PUDP: variants seen among roughly 807,000 people sequenced by gnomAD.
PUDP encodes the protein pseudouridine 5'-phosphatase, also known as pseudouridine-5'-phosphatase.
A neutral mutation model predicts 9.4 loss-of-function variants in PUDP; 8 were observed. The ratio of observed to expected loss-of-function variants is 0.85; its 90% CI spans 0.50 to 1.53. PUDP has a LOEUF of 1.53. PUDP is among the 40% of genes most tolerant of loss of function. PUDP has a pLI of 0.00. For synonymous variants in PUDP, 99 were observed against 80.7 expected (o/e 1.23, Z -1.22); for missense variants, 188 against 189.7 (o/e 0.99, Z 0.05).
chrX:6,952,304 A>G (rs1338576017), intron 3 of PUDP, among the ~76,000 whole-genome samples: 1 of 111,858 alleles, frequency 8.9e-6, no homozygotes, highest in Non-Finnish European at 1.9e-5. Context: ...CAGAAAAGTT[A>G]TGAAGATAGT....
Position 6,880,310 on chromosome X carries a change from G to A in PUDP, c.*247+96823C>T, listed in dbSNP as rs774054724. Among the ~76,000 whole-genome samples the A allele has an allele frequency of 9.9e-5, 11 of 110,560 alleles. No homozygotes were observed. In the East Asian group the frequency reaches 1.4e-3, roughly 14 times the overall value. ...CATTGTATCATTCTTGTGACTTTGC[G>A]TCCTCATAGCTTAGCTCCCACTTAT... On this transcript the variant is annotated intron_variant and NMD_transcript_variant, in intron 3 of 3. Transcript: ENST00000655425.
intron 3 of PUDP, among the ~76,000 whole-genome samples, chrX:6,796,119 G>A (rs926163639): frequency 7.1e-5 from 8 of 112,029 alleles, no homozygotes; most frequent in East Asian, 2.8e-4. Context: ...CAAGTGAAGC[G>A]CAGTGATTCA....
chrX:6,912,848 A>C (rs1039867412), intron 3 of PUDP, among the ~76,000 whole-genome samples: 1 of 112,229 alleles, frequency 8.9e-6, no homozygotes, highest in African/African-American at 3.2e-5. Flanking sequence ...CCCAGAAATA[A>C]TTACTGTCCA....
chrX:6,712,739 G>T (rs911616943), intron 1 of PUDP, among the ~76,000 whole-genome samples: 4 of 111,488 alleles, frequency 3.6e-5, no homozygotes, highest in African/African-American at 1.3e-4. Context: ...CTGGGTCCTT[G>T]CAATTCTGCA....
chrX:6,985,115 A>C, intron 1 of PUDP, among the ~76,000 whole-genome samples: 2 of 111,996 alleles, frequency 1.8e-5, no homozygotes, highest in South Asian at 7.6e-4. Flanking sequence ...ATGCAGATGA[A>C]CTGGGAAAGA....
At chrX:6,962,851 G>T (rs1234784813) in intron 3 of PUDP, among the ~76,000 whole-genome samples, 1 of 112,220 alleles carries the variant, frequency 8.9e-6, no homozygotes, top group Non-Finnish European at 1.9e-5. Flanking sequence ...AATAGGTGTT[G>T]GTATAACAAA....
chrX:6,896,675 T>G (rs1009804709), intron 3 of PUDP, among the ~76,000 whole-genome samples: 1 of 372 alleles, frequency 2.7e-3, no homozygotes, highest in African/African-American at 0.014. Flanking sequence ...ACAGGTGAGT[T>G]TTTTTTTATT....
At chrX:7,043,433 C>T (rs1421890519) in intron 1 of PUDP, among the ~76,000 whole-genome samples, 4 of 111,886 alleles carry the variant, frequency 3.6e-5, no homozygotes. Context: ...CTTCCCGTTC[C>T]ACCATGAGTG....
At chrX:6,918,969 C>T (rs1421133014) in intron 3 of PUDP, among the ~76,000 whole-genome samples, 1 of 112,102 alleles carries the variant, frequency 8.9e-6, no homozygotes, top group East Asian at 2.8e-4. Flanking sequence ...TGTTGGTTTG[C>T]CACCTGTTTG....
At chrX:6,934,237 G>A (rs2146772067) in intron 3 of PUDP, among the ~76,000 whole-genome samples, 1 of 105,973 alleles carries the variant, frequency 9.4e-6, no homozygotes, top group Admixed American at 1.1e-4. Context: ...AGAGAGAAAG[G>A]TTGGGTTACC....
Position 6,969,878 on chromosome X carries a change from CTT to C in PUDP, c.*247+7253_*247+7254del, listed in dbSNP as rs201099368. Among the ~76,000 whole-genome samples the C allele has an allele frequency of 4.7e-3, 525 of 112,090 alleles. 2 individuals are homozygous for C. Among genetic ancestry groups the C allele is most frequent in the African/African-American group, 0.016 (493 of 30,866 alleles). On this transcript the variant is annotated intron_variant and NMD_transcript_variant, in intron 3 of 3. Coordinates refer to the PUDP transcript ENST00000655425. The stretch of plus-strand genomic sequence containing the variant: ...GCTTGCATAGAGCAAGACCCAGTCT[CTT>C]TGTAAAATTTTTTGGAAGGTCTGCT...
intron 3 of PUDP, among the ~76,000 whole-genome samples, chrX:6,949,354 C>T (rs191192257): frequency 2.3e-4 from 24 of 103,175 alleles, no homozygotes; most frequent in Middle Eastern, 9.5e-3. Context: ...TTTTCACTAT[C>T]TTCTTGCTCC....
intron 3 of PUDP, among the ~76,000 whole-genome samples, chrX:6,773,774 G>A (rs1046635362): frequency 9.0e-6 from 1 of 111,299 alleles, no homozygotes; most frequent in Non-Finnish European, 1.9e-5. Flanking sequence ...GCAATGACCC[G>A]ATGACCCAAA....
At chrX:6,974,650 C>T (rs557002642) in intron 3 of PUDP, among the ~76,000 whole-genome samples, 6 of 111,801 alleles carry the variant, frequency 5.4e-5, no homozygotes, top group African/African-American at 1.9e-4. Context: ...AACATTTTCT[C>T]CTTCATTTCA....
At chrX:6,966,028 A>C (rs5933875) in intron 3 of PUDP, among the ~76,000 whole-genome samples, 33,967 of 109,975 alleles carry the variant, frequency 0.31, 4,588 homozygotes, top group Non-Finnish European at 0.4. Flanking sequence ...ATGAATAGAC[A>C]GGAATGATTT....
intron 3 of PUDP, among the ~76,000 whole-genome samples, chrX:6,850,852 A>G (rs1465834053): frequency 8.9e-6 from 1 of 112,182 alleles, no homozygotes; most frequent in Non-Finnish European, 1.9e-5. Context: ...AGGTTAACCC[A>G]ACAACCCAAT....
intron 3 of PUDP, among the ~76,000 whole-genome samples, chrX:6,971,510 T>G (rs1261478018): frequency 9.4e-6 from 1 of 106,744 alleles, no homozygotes; most frequent in African/African-American, 3.4e-5. Context: ...TCCGCCTCAC[T>G]GGTTCATGCC....
chrX:7,109,420 G>A (rs1429906618), intron 1 of PUDP, among the ~76,000 whole-genome samples: 1 of 112,288 alleles, frequency 8.9e-6, no homozygotes, highest in Non-Finnish European at 1.9e-5. Flanking sequence ...CAGGCAGGAC[G>A]ATGGAGGTGC....
intron 2 of PUDP, among the ~76,000 whole-genome samples, chrX:7,079,504 A>G (rs1004233217): frequency 2.7e-5 from 3 of 112,842 alleles, no homozygotes; most frequent in Non-Finnish European, 5.6e-5. Flanking sequence ...TCCCAACAAC[A>G]GCAGAAACCA....
Sources: allele counts gnomAD v4.1 joint callset (sites outside exome capture counted in the v4.1 genomes callset), GRCh38; gene constraint gnomAD v4.1.1; transcripts MANE v1.5; gene names NCBI Gene and HGNC (gene_info 2026-07-23, HGNC 2026-07-21).